The following LRRK2 variants were observed in gnomAD, a reference collection of about 807,000 sequenced individuals.
LRRK2 encodes the protein leucine-rich repeat serine/threonine-protein kinase 2.
A neutral mutation model predicts 302.6 loss-of-function variants in LRRK2; 203 were observed. The ratio of observed to expected loss-of-function variants is 0.67; its 90% CI spans 0.60 to 0.75. LRRK2 has a LOEUF of 0.75. LRRK2 is among the 30% of genes least tolerant of loss of function. LRRK2 has a pLI of 0.00. For synonymous variants in LRRK2, 1,066 were observed against 1,031.9 expected, an observed-to-expected ratio of 1.03 and a Z score of -0.63; for missense variants, 2,830 against 2,951.0, an observed-to-expected ratio of 0.96 and a Z score of 0.95.
chr12:40,339,074 T>TA (rs1429399238), intron 40 of LRRK2, among the ~76,000 whole-genome samples: 1 of 152,232 alleles, frequency 6.6e-6, no homozygotes, highest in Non-Finnish European at 1.5e-5. Context: ...TTGATGCAGT[T>TA]AAATAATATG....
At chr12:40,259,290 C>A (rs991256713) in intron 12 of LRRK2, among the ~76,000 whole-genome samples, 190 bp from the exon 13 acceptor site, 1 of 152,180 alleles carries the variant, frequency 6.6e-6, no homozygotes, top group Non-Finnish European at 1.5e-5. Context: ...ACTATGAATT[C>A]TATCTTATGA....
chr12:40,240,727 C>G, intron 6 of LRRK2, 110 bp downstream of exon 6: 1 of 1,048,264 alleles, frequency 9.5e-7, no homozygotes, highest in South Asian at 1.4e-5. Flanking sequence ...TGTGGATGCT[C>G]AACCCATTCA....
intron 44 of LRRK2, among the ~76,000 whole-genome samples, chr12:40,352,887 AT>A (rs779310366): frequency 1.1e-4 from 16 of 152,170 alleles, no homozygotes; most frequent in Non-Finnish European, 2.4e-4. Context: ...CAACAATCTG[AT>A]TTCTGTATCT....
rs10878341 is a variant in LRRK2 at position 40,303,675 on chromosome 12, C to T, written c.3591-273C>T. Reference sequence around the variant, plus strand: ...TTTAACTGTTCTAACTACTCTACAGCGGTTCATCTCTTTAATCTTCCTAAT... The same window carrying T: ...TTTAACTGTTCTAACTACTCTACAGTGGTTCATCTCTTTAATCTTCCTAAT... On this transcript the variant is annotated intron_variant, in intron 26 of 50. Transcript: ENST00000298910. Among the ~76,000 whole-genome samples, 61,051 of 151,828 alleles carry T rather than the reference C, an allele frequency of 0.4. 12,887 individuals carry two copies. Among genetic ancestry groups the T allele is most frequent in the African/African-American group, 0.5 (20,912 of 41,450 alleles).
At chr12:40,262,602 G>A (rs1458413790) in intron 13 of LRRK2, among the ~76,000 whole-genome samples, 5 of 152,142 alleles carry the variant, frequency 3.3e-5, no homozygotes, top group African/African-American at 9.7e-5. Flanking sequence ...ACGACCTAAA[G>A]GACTGTTATG....
intron 32 of LRRK2, 89 bp downstream of exon 32, chr12:40,314,262 G>A: frequency 2.2e-6 from 3 of 1,335,470 alleles, no homozygotes; most frequent in Non-Finnish European, 3.2e-6. Context: ...TACATTCAAA[G>A]TTGAGAGAAT....
intron 20 of LRRK2, among the ~76,000 whole-genome samples, chr12:40,291,603 A>G (rs1944162403): frequency 6.6e-6 from 1 of 151,418 alleles, no homozygotes; most frequent in South Asian, 2.1e-4. Flanking sequence ...GATGATTTCT[A>G]TCCTTTTATA....
In LRRK2 at chr12:40,323,042, G is replaced by C. The variant is rs541909554; in HGVS notation, c.5510-118G>C. ...TCCTAGAGAAATATAGGATTGGTTA[G>C]AAAGGGAGGGATTAGAAATTATAGA... On this transcript the variant is annotated intron_variant, in intron 37 of 50. Transcript: ENST00000298910. The C allele has an allele frequency of 5.1e-5, 43 of 835,700 alleles. No homozygotes were observed. The East Asian group carries it at 9.6e-4, about 19-fold the overall frequency. 51.8% of individuals were successfully genotyped at this position (835,700 alleles called of 1,614,324 possible).
At chr12:40,309,319 G>C in intron 30 of LRRK2, 86 bp downstream of exon 30, 1 of 1,497,912 alleles carries the variant, frequency 6.7e-7, no homozygotes, top group Non-Finnish European at 9.0e-7. Flanking sequence ...AATTTATTTT[G>C]GGCAAACAAT....
chr12:40,297,451 T>A (rs964340377), intron 23 of LRRK2, among the ~76,000 whole-genome samples: 8 of 152,200 alleles, frequency 5.3e-5, no homozygotes, highest in African/African-American at 1.7e-4. Context: ...ACCTTGGGAA[T>A]AATTTTAAAA....
At chr12:40,268,699 AAG>A (rs1172685283) in intron 14 of LRRK2, among the ~76,000 whole-genome samples, 2 of 152,168 alleles carry the variant, frequency 1.3e-5, no homozygotes, top group Non-Finnish European at 2.9e-5. Context: ...AATTTTAAAA[AAG>A]AGTGTTGATT....
intron 38 of LRRK2, among the ~76,000 whole-genome samples, chr12:40,325,518 C>G (rs149230216): frequency 2.0e-5 from 3 of 152,326 alleles, no homozygotes; most frequent in Admixed American, 6.5e-5. Context: ...TGTTTGGCAG[C>G]ATCTCTGTCT....
chr12:40,343,522 T>C (rs1445836787), intron 41 of LRRK2, among the ~76,000 whole-genome samples: 2 of 152,230 alleles, frequency 1.3e-5, no homozygotes, highest in African/African-American at 4.8e-5. Flanking sequence ...AAAAGATATG[T>C]TTCAGTACAC....
chr12:40,270,226 T>C (rs1294624638), intron 14 of LRRK2, among the ~76,000 whole-genome samples: 2 of 152,136 alleles, frequency 1.3e-5, no homozygotes, highest in African/African-American at 4.8e-5. Context: ...AATCAGAGTA[T>C]TTGCACTTCT....
At chr12:40,341,353 A>G (rs573162185) in intron 41 of LRRK2, among the ~76,000 whole-genome samples, 24 of 152,336 alleles carry the variant, frequency 1.6e-4, no homozygotes, top group Admixed American at 1.5e-3. Context: ...AAAAGGTTCT[A>G]GTTCGTTTCC....
In LRRK2 at chr12:40,310,738, T is replaced by TA. The variant is rs1945011711; in HGVS notation, c.4536+93dup. The TA allele has an allele frequency of 3.0e-6, 4 of 1,340,254 alleles. No homozygotes were observed. The South Asian group carries it at 4.8e-5, about 16-fold the overall frequency. The allele number at this position is 1,340,254 out of a possible 1,614,324, so 83.0% of individuals were successfully genotyped here. A position where few individuals can be genotyped will look rare whatever the true frequency, so the allele number is the denominator to read the frequency against. ...AATTTTGAGAAGTGAGCAACTCACT[T>TA]AAAATTGTGGGTTTTCTTTCCTTGT... On this transcript the variant is annotated intron_variant, in intron 31 of 50. Coordinates refer to ENST00000298910, the MANE Select transcript of LRRK2 (RefSeq NM_198578.4).
chr12:40,281,094 C>G (rs771218118), intron 18 of LRRK2, among the ~76,000 whole-genome samples: 8 of 151,370 alleles, frequency 5.3e-5, no homozygotes, highest in South Asian at 4.2e-4. Flanking sequence ...AAAAACGAAC[C>G]AACCAACCAA....
Position 40,259,621 on chromosome 12 carries a change from A to G in LRRK2, c.1543+17A>G. ...TAGTGCCTGGTAAGTTACATAGTTG[A>G]TTGTGGGAAGAGATAACAATTTAAA... On this transcript the variant is annotated intron_variant, in intron 13 of 50. Coordinates refer to ENST00000298910, the MANE Select transcript of LRRK2 (RefSeq NM_198578.4). 1.9e-6 allele frequency: 3 copies of G among 1,612,658 alleles called. No individual in the cohort carries two copies. Among genetic ancestry groups the G allele is most frequent in the Non-Finnish European group, 2.5e-6 (3 of 1,178,970 alleles).
In LRRK2 at chr12:40,232,323, T is replaced by C. The variant is rs1555172855; in HGVS notation, c.287T>C (p.Met96Thr). The change falls in exon 3 of 51, where the codon ATG becomes ACG. Residue 96 changes from methionine (M) to threonine (T), a missense_variant. Physicochemically the swap from Met to Thr is moderately conservative, Grantham distance 81. This residue lies in a region of LRRK2 where 2,121 missense variants were observed against 2,148.0 expected (regional missense o/e 0.99). Transcript: ENST00000298910. ...CKLIEVCPGT[M>T]QSLMGPQDVG... ...TTAATAGAAGTCTGTCCAGGTACAA[T>C]GCAAAGCTTAATGGGACCCCAGGAT... The C allele has an allele frequency of 1.2e-6, 2 of 1,614,064 alleles. No individual in the cohort carries two copies. The highest frequency in any genetic ancestry group is 2.7e-5 in the African/African-American group (2 of 74,930).
Sources: gnomAD v4.1 joint callset for allele counts (sites outside exome capture counted in the v4.1 genomes callset) on GRCh38, gnomAD v4.1.1 for gene constraint, gnomAD v4.1.1 regional missense constraint, MANE v1.5 for transcripts, NCBI Gene and HGNC (gene_info 2026-07-23, HGNC 2026-07-21) for gene names.